CACNA1A: variants seen among roughly 807,000 people sequenced by gnomAD.
CACNA1A encodes the protein calcium voltage-gated channel subunit alpha1 A.
CACNA1A carries 57 observed loss-of-function variants against 262.4 expected under a neutral mutation model. The ratio of observed to expected loss-of-function variants is 0.22; its 90% CI spans 0.18 to 0.27. The LOEUF (loss-of-function observed/expected upper bound fraction) is 0.27. Among genes scored for constraint, CACNA1A ranks in the 10% least tolerant of loss-of-function variants. The pLI, the probability that CACNA1A is intolerant of heterozygous loss-of-function variation, is 1.00. For synonymous variants in CACNA1A, 1,431 were observed against 1,419.3 expected (o/e 1.01, Z -0.18); for missense variants, 2,526 against 3,562.8 (o/e 0.71, Z 7.41).
intron 3 of CACNA1A, among the ~76,000 whole-genome samples, chr19:13,427,684 A>G (rs933725781): frequency 2.6e-5 from 4 of 152,244 alleles, no homozygotes; most frequent in African/African-American, 9.6e-5. Context: ...CAAAGATCCA[A>G]GGAGATGTGT....
chr19:13,402,144 G>C (rs1447612761), intron 3 of CACNA1A, among the ~76,000 whole-genome samples: 1 of 152,218 alleles, frequency 6.6e-6, no homozygotes, highest in African/African-American at 2.4e-5. Flanking sequence ...CATCTGACCA[G>C]CTTCAAGACA....
chr19:13,286,367 T>C, intron 20 of CACNA1A, 136 bp downstream of exon 20: 1 of 474,536 alleles, frequency 2.1e-6, no homozygotes, highest in Non-Finnish European at 3.7e-6. Context: ...GGTAGGAAAC[T>C]ACGCCTATGC....
At chr19:13,433,617 T>C (rs1225954467) in intron 3 of CACNA1A, among the ~76,000 whole-genome samples, 1 of 152,002 alleles carries the variant, frequency 6.6e-6, no homozygotes, top group Non-Finnish European at 1.5e-5. Context: ...ATTATTGACC[T>C]GGGCTTTGGT....
intron 20 of CACNA1A, 148 bp from the exon 21 acceptor site, chr19:13,285,354 C>A: frequency 1.3e-6 from 1 of 765,282 alleles, no homozygotes; most frequent in Non-Finnish European, 2.1e-6. Flanking sequence ...CATCACTGAA[C>A]CCTTGTATAG....
chr19:13,434,787 T>TTTA (rs903988042), intron 3 of CACNA1A, among the ~76,000 whole-genome samples: 36 of 151,906 alleles, frequency 2.4e-4, no homozygotes, highest in African/African-American at 3.9e-4. Context: ...TTTTTATTTA[T>TTTA]TTATTATTAT....
At chr19:13,347,059 G>GTTTTTTTTTT (rs1207564258) in intron 6 of CACNA1A, among the ~76,000 whole-genome samples, 3 of 58,392 alleles carry the variant, frequency 5.1e-5, no homozygotes, top group South Asian at 1.1e-3. Flanking sequence ...TGTTTTTTTT[G>GTTTTTTTTTT]TTTTTTTGTT....
In CACNA1A at chr19:13,393,510, T is replaced by TTCCTTCCTTCCCTCCC. The variant is rs2059747294; in HGVS notation, c.540-21747_540-21732dup. On this transcript the variant is annotated intron_variant, in intron 3 of 46. Transcript: ENST00000360228. ...GTTTTTTTTTCCTTCCTTCCTTTCC[T>TTCCTTCCTTCCCTCCC]TCCTTCCTTCCCTCCCTCCTTCCTT... Among the ~76,000 whole-genome samples, 5 of 145,422 alleles carry TTCCTTCCTTCCCTCCC rather than the reference T, an allele frequency of 3.4e-5. 1 individual carries two copies. In the South Asian group the frequency reaches 1.2e-3, roughly 35 times the overall value.
At chr19:13,336,049 A>C (rs1184024421) in intron 6 of CACNA1A, 140 bp from the exon 7 acceptor site, 2 of 573,056 alleles carry the variant, frequency 3.5e-6, no homozygotes, top group African/African-American at 3.8e-5. Context: ...GGGCTCTGGC[A>C]TCCCAGAGGG....
chr19:13,275,997 TC>T, intron 23 of CACNA1A, 41 bp from the exon 24 acceptor site: 1 of 1,392,596 alleles, frequency 7.2e-7, no homozygotes, highest in Non-Finnish European at 1.0e-6. Context: ...CCCCACCTGA[TC>T]CCCACCCTGG....
chr19:13,459,653 C>T (rs1178328665), intron 1 of CACNA1A, among the ~76,000 whole-genome samples: 3 of 152,198 alleles, frequency 2.0e-5, no homozygotes, highest in South Asian at 2.1e-4. Context: ...ACGCCAAGCC[C>T]TTCCCTGGTC....
intron 3 of CACNA1A, among the ~76,000 whole-genome samples, chr19:13,376,552 A>T (rs2059406953): frequency 1.3e-5 from 2 of 149,476 alleles, no homozygotes; most frequent in Non-Finnish European, 3.0e-5. Flanking sequence ...TATATATATA[A>T]TATATAACAC....
intron 24 of CACNA1A, among the ~76,000 whole-genome samples, chr19:13,266,620 G>A (rs192904705): frequency 1.8e-3 from 274 of 151,920 alleles, no homozygotes; most frequent in African/African-American, 5.9e-3. Flanking sequence ...GTCACCCAGG[G>A]TGGAGTGCAG....
intron 30 of CACNA1A, among the ~76,000 whole-genome samples, chr19:13,249,759 G>C (rs558213867): frequency 1.3e-5 from 2 of 152,274 alleles, no homozygotes; most frequent in South Asian, 4.1e-4. Context: ...AGGTGGAGGG[G>C]GAGGATGGCT....
intron 28 of CACNA1A, among the ~76,000 whole-genome samples, chr19:13,255,999 T>C (rs570275634): frequency 1.1e-3 from 157 of 137,414 alleles, no homozygotes; most frequent in Non-Finnish European, 2.0e-3. Context: ...CTTCCTTTTT[T>C]TTTTTTTTTC....
At chr19:13,478,264 A>C (rs918674953) in intron 1 of CACNA1A, among the ~76,000 whole-genome samples, 1 of 152,194 alleles carries the variant, frequency 6.6e-6, no homozygotes, top group African/African-American at 2.4e-5. Flanking sequence ...TTGCTGGGTC[A>C]GGAAAAGCTC....
intron 10 of CACNA1A, among the ~76,000 whole-genome samples, chr19:13,324,083 T>C (rs992282461): frequency 2.0e-5 from 3 of 152,268 alleles, no homozygotes; most frequent in African/African-American, 7.2e-5. Flanking sequence ...CTGTAATGTG[T>C]GACAACAGGG....
rs2055883881 is a variant in CACNA1A, at chr19:13,236,525, C to T, written c.4951-795G>A. ...CTGCAGGGTGAGTCCTCGCTGCCCG[C>T]TGAGTCGGAGAAGATGCATTTGGGG... On this transcript the variant is annotated intron_variant, in intron 31 of 46. Transcript: ENST00000360228. The surrounding 1 kb of genome is among the most constrained non-coding windows in gnomAD (Gnocchi z 4.6). The T allele has an allele frequency of 1.3e-5, 2 of 153,228 alleles. No individual in the cohort carries two copies. Among genetic ancestry groups the T allele is most frequent in the East Asian group, 1.9e-4 (1 of 5,216 alleles). 9.5% of individuals were successfully genotyped at this position (153,228 alleles called of 1,614,324 possible).
chr19:13,235,666 C>T lies in CACNA1A; in HGVS notation c.5015G>A (p.Arg1672His), dbSNP rs1057519429. The change falls in exon 32 of 47, where the codon CGT (arginine) becomes CAT (histidine). Residue 1672 changes from arginine (R) to histidine (H), a missense_variant. Transcript: ENST00000360228. ...FRAARLIKLL[R>H]QGYTIRILLW... ...AAGAATGCGGATGGTGTAACCCTGA[C>T]GGAGAAGTTTGATGAGCCGGGCAGC... 3.1e-6 allele frequency: 5 copies of T among 1,613,776 alleles called. No individual in the cohort carries two copies. Among genetic ancestry groups the T allele is most frequent in the South Asian group, 1.1e-5 (1 of 91,080 alleles).
intron 43 of CACNA1A, chr19:13,210,959 C>G (rs1444498269): frequency 4.2e-6 from 2 of 473,002 alleles, no homozygotes; most frequent in Admixed American, 6.7e-5. Flanking sequence ...GGCGCAGCCT[C>G]GAGCCCCTGG....
Sources: allele counts gnomAD v4.1 joint callset (sites outside exome capture counted in the v4.1 genomes callset), GRCh38; gene constraint gnomAD v4.1.1; non-coding constraint Gnocchi (gnomAD v3.1); transcripts MANE v1.5; gene names NCBI Gene and HGNC (gene_info 2026-07-23, HGNC 2026-07-21).